Variants in DMD observed in about 807,000 individuals in gnomAD.
The protein encoded by DMD is mutant dystrophin.
A neutral mutation model predicts 330.1 loss-of-function variants in DMD; 63 were observed. The ratio of observed to expected loss-of-function variants is 0.19; its 90% CI spans 0.16 to 0.24. The LOEUF (loss-of-function observed/expected upper bound fraction) is 0.24, where lower values mean the gene tolerates loss of function less well. DMD is among the 10% of genes least tolerant of loss of function. DMD has a pLI of 1.00. For synonymous variants in DMD, 1,223 were observed against 959.8 expected (o/e 1.27, Z -5.07); for missense variants, 3,344 against 2,684.1 (o/e 1.25, Z -5.43).
intron 50 of DMD, among the ~76,000 whole-genome samples, chrX:31,787,589 A>G (rs1368132287): frequency 9.0e-6 from 1 of 111,329 alleles, no homozygotes; most frequent in Non-Finnish European, 1.9e-5. Context: ...CCTGTAACTA[A>G]AAGACCCATG....
At chrX:32,970,180 C>A (rs2092330849) in intron 2 of DMD, among the ~76,000 whole-genome samples, 1 of 93,877 alleles carries the variant, frequency 1.1e-5, no homozygotes. Flanking sequence ...TTTTTTTTTA[C>A]AGTGTGTAAA....
In DMD at chrX:31,121,456, G is replaced by A. The variant is rs751629394; in HGVS notation, c.*463C>T. The A allele has an allele frequency of 1.2e-5, 2 of 163,572 alleles. No individual in the cohort carries two copies. Among genetic ancestry groups the A allele is most frequent in the African/African-American group, 6.5e-5 (2 of 30,936 alleles). 13.5% of individuals were successfully genotyped at this position (163,572 alleles called of 1,213,427 possible). ...TGTGTGTGTGTATGTGTGTGTGTGT[G>A]TGTTTGTTTTGTTTTTAGGGGTTTT... On this transcript the variant is annotated 3_prime_UTR_variant, in exon 79 of 79. Coordinates refer to ENST00000357033, the MANE Select transcript of DMD (RefSeq NM_004006.3).
At chrX:31,617,551 A>T (rs2148347111) in intron 55 of DMD, among the ~76,000 whole-genome samples, 1 of 105,341 alleles carries the variant, frequency 9.5e-6, no homozygotes, top group South Asian at 4.0e-4. Context: ...AAAAAAAAAA[A>T]AAAAAAAAAA....
chrX:31,379,210 T>C (rs369932175), intron 60 of DMD, among the ~76,000 whole-genome samples: 10 of 110,511 alleles, frequency 9.0e-5, no homozygotes, highest in Non-Finnish European at 1.5e-4. Context: ...CCTCAGCCTC[T>C]GCTCCTCCAC....
At chrX:32,764,336 T>C (rs1401019943) in intron 7 of DMD, among the ~76,000 whole-genome samples, 1 of 111,318 alleles carries the variant, frequency 9.0e-6, no homozygotes, top group Non-Finnish European at 1.9e-5. Context: ...TTCTAATCAT[T>C]TATAAGCATA....
intron 78 of DMD, among the ~76,000 whole-genome samples, chrX:31,123,330 A>G (rs951155997): frequency 5.3e-5 from 6 of 112,480 alleles, no homozygotes; most frequent in Non-Finnish European, 5.6e-5. Context: ...AGTATTAATT[A>G]TATTTTAGAA....
intron 2 of DMD, among the ~76,000 whole-genome samples, chrX:32,915,931 G>T (rs752394622): frequency 1.8e-5 from 2 of 110,906 alleles, no homozygotes; most frequent in East Asian, 5.6e-4. Context: ...ATTCTGGGAG[G>T]TGGTCACAGC....
At chrX:32,937,826 T>G (rs966408369) in intron 2 of DMD, among the ~76,000 whole-genome samples, 1 of 110,563 alleles carries the variant, frequency 9.0e-6, no homozygotes, top group Non-Finnish European at 1.9e-5. Context: ...TAACCAATAT[T>G]ATATAGATTT....
chrX:32,265,203 A>G (rs2097339470), intron 43 of DMD, among the ~76,000 whole-genome samples: 1 of 111,841 alleles, frequency 8.9e-6, no homozygotes, highest in Non-Finnish European at 1.9e-5. Flanking sequence ...CCTAGGGACT[A>G]GGTGCCCTGC....
At chrX:32,099,011 C>A (rs1181049481) in intron 44 of DMD, among the ~76,000 whole-genome samples, 1 of 111,789 alleles carries the variant, frequency 8.9e-6, no homozygotes, top group Non-Finnish European at 1.9e-5. Context: ...GGGCTTAGGC[C>A]TTTAAATTTG....
At chrX:32,642,427 T>C (rs1047456932) in intron 11 of DMD, among the ~76,000 whole-genome samples, 4 of 111,777 alleles carry the variant, frequency 3.6e-5, no homozygotes, top group African/African-American at 1.3e-4. Context: ...AAGGACAAAC[T>C]AATTTTTTAT....
intron 2 of DMD, among the ~76,000 whole-genome samples, chrX:32,977,449 G>A (rs926993684): frequency 1.8e-5 from 2 of 111,265 alleles, no homozygotes; most frequent in Non-Finnish European, 1.9e-5. Context: ...AAAGAAGATG[G>A]ATCACCAGGT....
intron 62 of DMD, among the ~76,000 whole-genome samples, chrX:31,296,087 C>A (rs777075535): frequency 1.0e-3 from 108 of 108,309 alleles, no homozygotes; most frequent in African/African-American, 3.5e-3. Context: ...CCAGAAGAAG[C>A]TATTAAGAAA....
chrX:32,671,338 G>T (rs1224671418), intron 9 of DMD, among the ~76,000 whole-genome samples: 2 of 110,491 alleles, frequency 1.8e-5, no homozygotes, highest in Non-Finnish European at 3.8e-5. Flanking sequence ...CTATAACTTC[G>T]ATTTTTAAAT....
intron 15 of DMD, among the ~76,000 whole-genome samples, chrX:32,570,711 G>A (rs1449395053): frequency 3.6e-5 from 4 of 111,138 alleles, no homozygotes; most frequent in African/African-American, 9.8e-5. Flanking sequence ...TCTTGATCTC[G>A]ATTTTCTCTT....
At chrX:32,498,525 C>G (rs747996878) in intron 19 of DMD, among the ~76,000 whole-genome samples, 1 of 110,325 alleles carries the variant, frequency 9.1e-6, no homozygotes. Context: ...ATAAGGAAAA[C>G]GTCCATGTAT....
At chrX:31,456,874 G>A (rs200035671) in intron 59 of DMD, among the ~76,000 whole-genome samples, 248 of 93,556 alleles carry the variant, frequency 2.7e-3, no homozygotes, top group Middle Eastern at 0.011. Flanking sequence ...GTGTGTGTGT[G>A]TGTATATATA....
chrX:31,449,524 G>A (rs2065531968), intron 59 of DMD, among the ~76,000 whole-genome samples: 1 of 109,329 alleles, frequency 9.1e-6, no homozygotes, highest in Non-Finnish European at 1.9e-5. Flanking sequence ...TTCGATATTA[G>A]CCAGGATGTA....
intron 2 of DMD, among the ~76,000 whole-genome samples, chrX:33,003,107 C>T (rs960715501): frequency 1.8e-5 from 2 of 109,512 alleles, no homozygotes; most frequent in African/African-American, 3.3e-5. Context: ...AAGTATACAC[C>T]GTACCCAATA....
Sources: gnomAD v4.1 joint callset for allele counts (sites outside exome capture counted in the v4.1 genomes callset) on GRCh38, gnomAD v4.1.1 for gene constraint, MANE v1.5 for transcripts, NCBI Gene and HGNC (gene_info 2026-07-23, HGNC 2026-07-21) for gene names.